Variants in ZFR observed in about 807,000 individuals in gnomAD.
ZFR encodes the protein zinc finger RNA-binding protein.
In ZFR, 19 loss-of-function variants were observed where a neutral mutation model predicts 130.7. The ratio of observed to expected loss-of-function variants is 0.15; its 90% CI spans 0.10 to 0.21. The LOEUF is 0.21. Among genes scored for constraint, ZFR ranks in the 10% least tolerant of loss-of-function variants. The pLI, the probability that ZFR is intolerant of heterozygous loss-of-function variation, is 1.00. For synonymous variants in ZFR, 466 were observed against 456.9 expected, an observed-to-expected ratio of 1.02 and a Z score of -0.25; for missense variants, 872 against 1,321.5, an observed-to-expected ratio of 0.66 and a Z score of 5.27.
chr5:32,402,166 G>T (rs1001024642), intron 8 of ZFR, among the ~76,000 whole-genome samples: 3 of 152,178 alleles, frequency 2.0e-5, no homozygotes, highest in Non-Finnish European at 2.9e-5. Flanking sequence ...GAGGCGGACA[G>T]TGAGACGAGG....
intron 5 of ZFR, among the ~76,000 whole-genome samples, chr5:32,409,222 G>C (rs550485585): frequency 1.3e-5 from 2 of 152,180 alleles, no homozygotes; most frequent in Non-Finnish European, 2.9e-5. Context: ...AATTTCCAGA[G>C]ATCTTAGTCT....
At chr5:32,421,779 G>C (rs1443231940) in intron 2 of ZFR, among the ~76,000 whole-genome samples, 1 of 152,096 alleles carries the variant, frequency 6.6e-6, no homozygotes, top group African/African-American at 2.4e-5. Flanking sequence ...TTTCTATCTG[G>C]ATGAGGTTTC....
At chr5:32,416,992 C>T (rs552077945) in intron 4 of ZFR, among the ~76,000 whole-genome samples, 1 of 150,134 alleles carries the variant, frequency 6.7e-6, no homozygotes, top group South Asian at 2.1e-4. Context: ...ATACATGTGT[C>T]ATGTTAGTGT....
At chr5:32,379,048 TGA>T (rs1409339860) in intron 17 of ZFR, 65 bp downstream of exon 17, 3 of 1,208,112 alleles carry the variant, frequency 2.5e-6, no homozygotes, top group Non-Finnish European at 3.7e-6. Context: ...ACATGTAAAC[TGA>T]GAGGATAAAA....
rs1375528718 is a variant in ZFR, at chr5:32,415,097, C to A, written c.656G>T (p.Ser219Ile). Residue 219 changes from serine to isoleucine, a missense_variant, in exon 5 of 20, where the codon AGT becomes ATT. Physicochemically the swap from Ser to Ile is moderately radical, Grantham distance 142. Coordinates refer to ENST00000265069, the MANE Select transcript of ZFR (RefSeq NM_016107.5). ...QVTAIKPATP[S>I]PATTTFSIYP... is the part of the protein sequence containing the mutation. The stretch of plus-strand genomic sequence containing the variant: ...GATGGAGAAAGTAGTGGTAGCTGGA[C>A]TTGGTGTGGCTGGTTTTATGGCTGT... 2 of 1,613,984 alleles carry A rather than the reference C, an allele frequency of 1.2e-6. No homozygotes were observed. Among genetic ancestry groups the A allele is most frequent in the African/African-American group, 2.7e-5 (2 of 74,882 alleles).
chr5:32,383,670 AC>A (rs1305246578), intron 15 of ZFR: 1 of 407,402 alleles, frequency 2.5e-6, no homozygotes, highest in Non-Finnish European at 5.0e-6. Flanking sequence ...GCCTTCCTTA[AC>A]CCCTGTACTA....
chr5:32,389,089 T>C (rs955782104), intron 12 of ZFR, among the ~76,000 whole-genome samples: 5 of 152,214 alleles, frequency 3.3e-5, no homozygotes, highest in Admixed American at 6.5e-5. Flanking sequence ...AACTGCTCTA[T>C]AGAGAAACAA....
intron 13 of ZFR, 152 bp downstream of exon 13, chr5:32,388,317 C>A: frequency 1.4e-6 from 1 of 705,120 alleles, no homozygotes; most frequent in East Asian, 2.8e-5. Flanking sequence ...TTTTTGCAAG[C>A]AGCTGCAGAA....
intron 9 of ZFR, 134 bp from the exon 10 acceptor site, chr5:32,397,472 AG>A: frequency 8.7e-7 from 1 of 1,151,156 alleles, no homozygotes; most frequent in South Asian, 1.7e-5. Context: ...TTTTTTCCCC[AG>A]GACAGAGTCT....
At chr5:32,407,791 T>C (rs1753608384) in intron 5 of ZFR, among the ~76,000 whole-genome samples, 1 of 152,150 alleles carries the variant, frequency 6.6e-6, no homozygotes, top group African/African-American at 2.4e-5. Context: ...GAGACTCCAG[T>C]GAATAAGTAC....
At chr5:32,403,527 T>G in intron 7 of ZFR, 130 bp from the exon 8 acceptor site, 2 of 1,136,146 alleles carry the variant, frequency 1.8e-6, no homozygotes, top group Non-Finnish European at 2.5e-6. Context: ...TATGTTTTTG[T>G]ATATACACAC....
chr5:32,358,570 T>A (rs1208447743), intron 19 of ZFR, among the ~76,000 whole-genome samples: 1 of 151,798 alleles, frequency 6.6e-6, no homozygotes, highest in African/African-American at 2.4e-5. Context: ...AGAGGCAGAA[T>A]GGCATGAACC....
At chr5:32,372,007 G>A (rs1752677587) in intron 17 of ZFR, among the ~76,000 whole-genome samples, 1 of 152,292 alleles carries the variant, frequency 6.6e-6, no homozygotes, top group Middle Eastern at 3.4e-3. Flanking sequence ...AAAGACAAAA[G>A]CTCTAGGAGT....
At chr5:32,414,852 TC>T (rs1189009661) in intron 5 of ZFR, 116 bp downstream of exon 5, 6 of 898,174 alleles carry the variant, frequency 6.7e-6, no homozygotes, top group Non-Finnish European at 9.9e-6. Context: ...TTTATGTCTA[TC>T]AATTAATTTA....
intron 8 of ZFR, among the ~76,000 whole-genome samples, chr5:32,402,280 CAG>C (rs1753465124): frequency 6.6e-6 from 1 of 152,114 alleles, no homozygotes; most frequent in Admixed American, 6.6e-5. Flanking sequence ...AATTGAGAGA[CAG>C]AGATGTATCT....
At chr5:32,383,495 T>C (rs895987883) in intron 15 of ZFR, among the ~76,000 whole-genome samples, 1 of 152,218 alleles carries the variant, frequency 6.6e-6, no homozygotes, top group South Asian at 2.1e-4. Flanking sequence ...TCAAACACAG[T>C]ATCATAAAAC....
At chr5:32,416,307 G>A (rs540241424) in intron 4 of ZFR, among the ~76,000 whole-genome samples, 58 of 152,184 alleles carry the variant, frequency 3.8e-4, no homozygotes, top group African/African-American at 1.2e-3. Context: ...TATTATACAC[G>A]GAAATCAATA....
chr5:32,422,901 G>A (rs1051543452), intron 2 of ZFR, among the ~76,000 whole-genome samples: 5 of 148,236 alleles, frequency 3.4e-5, no homozygotes, highest in African/African-American at 1.2e-4. Flanking sequence ...AAGAAAGCAC[G>A]TAAGCAATTA....
chr5:32,423,859 G>A (rs961685553), intron 2 of ZFR, among the ~76,000 whole-genome samples: 2 of 152,174 alleles, frequency 1.3e-5, no homozygotes, highest in Admixed American at 6.5e-5. Context: ...ACTAAAGCAA[G>A]AAGATAAGGT....
Sources: allele counts gnomAD v4.1 joint callset (sites outside exome capture counted in the v4.1 genomes callset), GRCh38; gene constraint gnomAD v4.1.1; transcripts MANE v1.5; gene names NCBI Gene and HGNC (gene_info 2026-07-23, HGNC 2026-07-21).